The following APOL6 variants were observed in gnomAD, a reference collection of about 807,000 sequenced individuals.
APOL6 encodes the protein apolipoprotein L, 6.
In APOL6, 1 loss-of-function variant was observed where a neutral mutation model predicts 2.4. That is an observed-to-expected ratio of 0.41 (90% confidence interval 0.15 to 1.94). The LOEUF is 1.94. Among genes scored for constraint, APOL6 ranks in the 30% most tolerant of loss-of-function variants. The pLI is 0.30. For synonymous variants in APOL6, 189 were observed against 169.3 expected, an observed-to-expected ratio of 1.12 and a Z score of -0.90; for missense variants, 438 against 429.2, an observed-to-expected ratio of 1.02 and a Z score of -0.18.
In APOL6 at chr22:35,659,958, G is replaced by T. The variant is rs548371139; in HGVS notation, c.*362G>T. On this transcript the variant is annotated 3_prime_UTR_variant, in exon 3 of 3. Transcript: ENST00000409652. ...TTTTGGTATTTTTTTGTAGAGACAG[G>T]GTTTCACCATTTTGGCCAGGCTGGT... 90 of 197,614 alleles carry T rather than the reference G, an allele frequency of 4.6e-4. No homozygotes were observed. The highest frequency in any genetic ancestry group is 2.2e-3 in the Middle Eastern group (1 of 456). 12.2% of individuals were successfully genotyped at this position (197,614 alleles called of 1,614,324 possible). A position where few individuals can be genotyped will look rare whatever the true frequency, so the allele number is the denominator to read the frequency against.
intron 2 of APOL6, 144 bp from the exon 3 acceptor site, chr22:35,658,471 C>T (rs2145957360): frequency 1.4e-6 from 1 of 730,048 alleles, no homozygotes; most frequent in East Asian, 2.7e-5. Context: ...CTGAACTACT[C>T]TACAATGCTC....
intron 1 of APOL6, among the ~76,000 whole-genome samples, chr22:35,649,213 AT>A (rs1190944848): frequency 6.6e-6 from 1 of 152,160 alleles, no homozygotes; most frequent in African/African-American, 2.4e-5. Flanking sequence ...AGGCAAGCGG[AT>A]TGCTTGAGCC....
chr22:35,656,542 G>A (rs1231224799), intron 2 of APOL6, 67 bp downstream of exon 2: 9 of 1,567,506 alleles, frequency 5.7e-6, no homozygotes, highest in South Asian at 2.2e-5. Flanking sequence ...GCATCCTCAC[G>A]ATAAGGAATA....
intron 1 of APOL6, among the ~76,000 whole-genome samples, chr22:35,650,905 G>A (rs150431569): frequency 7.7e-4 from 117 of 151,476 alleles, no homozygotes; most frequent in African/African-American, 2.6e-3. Context: ...ACTCCAGCCC[G>A]GGCAACAAGA....
Position 35,664,842 on chromosome 22 carries a change from G to A in APOL6, c.*5246G>A, listed in dbSNP as rs546599584. 1 of 151,316 alleles carries A rather than the reference G, an allele frequency of 6.6e-6. No homozygotes were observed. Among genetic ancestry groups the A allele is most frequent in the African/African-American group, 2.4e-5 (1 of 41,232 alleles). 9.4% of individuals were successfully genotyped at this position (151,316 alleles called of 1,614,324 possible). On this transcript the variant is annotated 3_prime_UTR_variant, in exon 3 of 3. Coordinates refer to ENST00000409652, the MANE Select transcript of APOL6 (RefSeq NM_030641.4). ...GTGAACAAGTTTTGTCTAATTCAAA[G>A]CTTATTAAAAGGTTATATATAAAAC...
chr22:35,667,990 AC>A lies in APOL6; in HGVS notation c.*8397del. On this transcript the variant is annotated 3_prime_UTR_variant, in exon 3 of 3. Transcript: ENST00000409652. ...GTGGGAGTCGAACATGCCTCATCATACCCTCCAGCATTAACATCAACACAGA... is the reference window on the plus strand; with the variant it reads ...GTGGGAGTCGAACATGCCTCATCATACCTCCAGCATTAACATCAACACAGA... 6.6e-6 allele frequency: 1 copy of A among 152,242 alleles called. No individual in the cohort carries two copies. Among genetic ancestry groups the A allele is most frequent in the Admixed American group, 6.5e-5 (1 of 15,276 alleles). The allele number at this position is 152,242 out of a possible 1,614,324, so 9.4% of individuals were successfully genotyped here.
rs374929762 is a variant in APOL6 at position 35,656,418 on chromosome 22, A to G, written c.-8A>G. The G allele has an allele frequency of 9.3e-6, 15 of 1,613,974 alleles. No homozygotes were observed. In the African/African-American group the frequency reaches 1.9e-4, roughly 20 times the overall value. Reference sequence around the variant, plus strand: ...CCTGGGGACACAGATTTGCTGCCACAGAGGCTGATGGACAACCAGGCGGAG... The same window carrying G: ...CCTGGGGACACAGATTTGCTGCCACGGAGGCTGATGGACAACCAGGCGGAG... On this transcript the variant is annotated 5_prime_UTR_variant, in exon 2 of 3. Transcript: ENST00000409652.
chr22:35,667,987 C>G lies in APOL6; in HGVS notation c.*8391C>G, dbSNP rs376572256. 7.2e-5 allele frequency: 11 copies of G among 152,326 alleles called. No individual in the cohort carries two copies. The highest frequency in any genetic ancestry group is 2.1e-4 in the South Asian group (1 of 4,828). The allele number at this position is 152,326 out of a possible 1,614,324, so 9.4% of individuals were successfully genotyped here. ...GAAGTGGGAGTCGAACATGCCTCAT[C>G]ATACCCTCCAGCATTAACATCAACA... On this transcript the variant is annotated 3_prime_UTR_variant, in exon 3 of 3. Transcript: ENST00000409652.
chr22:35,656,290 T>C, intron 1 of APOL6, 89 bp from the exon 2 acceptor site: 1 of 952,240 alleles, frequency 1.1e-6, no homozygotes, highest in Non-Finnish European at 1.7e-6. Flanking sequence ...GTTATTTTGA[T>C]AGTACATAAT....
chr22:35,657,523 G>A (rs951563418), intron 2 of APOL6, among the ~76,000 whole-genome samples: 2 of 152,130 alleles, frequency 1.3e-5, no homozygotes, highest in African/African-American at 4.8e-5. Flanking sequence ...CAATGAGGAG[G>A]CCCTGACATC....
At chr22:35,652,808 T>C (rs1924734231) in intron 1 of APOL6, among the ~76,000 whole-genome samples, 1 of 151,360 alleles carries the variant, frequency 6.6e-6, no homozygotes, top group Admixed American at 6.6e-5. Context: ...AGCCTTGTAG[T>C]ATAGTTTGAA....
rs1227882977 is a variant in APOL6, at chr22:35,666,067, G to T, written c.*6471G>T. The T allele has an allele frequency of 6.6e-6, 1 of 151,996 alleles. No homozygotes were observed. Among genetic ancestry groups the T allele is most frequent in the Non-Finnish European group, 1.5e-5 (1 of 67,996 alleles). The allele number at this position is 151,996 out of a possible 1,614,324, so 9.4% of individuals were successfully genotyped here. A position where few individuals can be genotyped will look rare whatever the true frequency, so the allele number is the denominator to read the frequency against. On this transcript the variant is annotated 3_prime_UTR_variant, in exon 3 of 3. Transcript: ENST00000409652. ...CTGTATTTGTATAAATATGTTATTG[G>T]TGTATGTTCCAAAATTATGTGAAAC...
At chr22:35,654,561 T>C (rs1924793601) in intron 1 of APOL6, among the ~76,000 whole-genome samples, 1 of 151,512 alleles carries the variant, frequency 6.6e-6, no homozygotes, top group South Asian at 2.1e-4. Flanking sequence ...TATATGTATA[T>C]ATACACACAC....
rs774975141 is a variant in APOL6 at position 35,659,212 on chromosome 22, G to T, written c.648G>T (p.Val216=). 3 of 1,614,096 alleles carry T rather than the reference G, an allele frequency of 1.9e-6. No homozygotes were observed. Among genetic ancestry groups the T allele is most frequent in the Non-Finnish European group, 2.5e-6 (3 of 1,180,046 alleles). The change falls in exon 3 of 3, where the codon GTG becomes GTT. Residue 216 remains valine (V), a synonymous_variant. Coordinates refer to ENST00000409652, the MANE Select transcript of APOL6 (RefSeq NM_030641.4). ...TTGQVSSRSR[V]QVQKAFAGTT... Reference sequence around the variant, plus strand: ...GCCAAGTCTCCTCCCGGAGCCGCGTGCAGGTGCAAAAGGCCTTTGCGGGAA... The same window carrying T: ...GCCAAGTCTCCTCCCGGAGCCGCGTTCAGGTGCAAAAGGCCTTTGCGGGAA...
chr22:35,658,513 A>T, intron 2 of APOL6, 102 bp from the exon 3 acceptor site: 1 of 998,808 alleles, frequency 1.0e-6, no homozygotes, highest in Non-Finnish European at 1.5e-6. Flanking sequence ...GTAGGGAGGT[A>T]CAGGGAGGAT....
In APOL6 at chr22:35,654,563, TAC is replaced by T. The variant is rs143400834; in HGVS notation, c.-47-1804_-47-1803del. Among the ~76,000 whole-genome samples, 8 of 150,798 alleles carry T rather than the reference TAC, an allele frequency of 5.3e-5. No homozygotes were observed. The South Asian group carries it at 6.3e-4, about 12-fold the overall frequency. On this transcript the variant is annotated intron_variant, in intron 1 of 2. Transcript: ENST00000409652. ...CTCTATATATATATATATGTATATA[TAC>T]ACACACACACATACACACACATATA...
chr22:35,655,882 G>A (rs530470172), intron 1 of APOL6, among the ~76,000 whole-genome samples: 1 of 152,200 alleles, frequency 6.6e-6, no homozygotes, highest in Non-Finnish European at 1.5e-5. Flanking sequence ...CATTTTTAGA[G>A]AAGTAGCAAG....
rs1300062185 is a variant in APOL6, at chr22:35,665,999, G to T, written c.*6403G>T. 3 of 152,090 alleles carry T rather than the reference G, an allele frequency of 2.0e-5. No homozygotes were observed. Among genetic ancestry groups the T allele is most frequent in the Non-Finnish European group, 4.4e-5 (3 of 68,022 alleles). The allele number at this position is 152,090 out of a possible 1,614,324, so 9.4% of individuals were successfully genotyped here. ...GCTTATTTGGTATAAAAATTATATAGGAAGCATTGTCAAATGTGAAATGGT... is the reference window on the plus strand; with the variant it reads ...GCTTATTTGGTATAAAAATTATATATGAAGCATTGTCAAATGTGAAATGGT... On this transcript the variant is annotated 3_prime_UTR_variant, in exon 3 of 3. Transcript: ENST00000409652.
At chr22:35,651,974 C>G (rs1210274370) in intron 1 of APOL6, among the ~76,000 whole-genome samples, 10 of 152,246 alleles carry the variant, frequency 6.6e-5, no homozygotes, top group Admixed American at 6.5e-4. Flanking sequence ...AATCGCCACA[C>G]TGACTTCCAC....
Sources: allele counts gnomAD v4.1 joint callset (sites outside exome capture counted in the v4.1 genomes callset), GRCh38; gene constraint gnomAD v4.1.1; transcripts MANE v1.5; gene names NCBI Gene and HGNC (gene_info 2026-07-23, HGNC 2026-07-21).